BSN: variants seen among roughly 807,000 people sequenced by gnomAD.
BSN encodes bassoon presynaptic cytomatrix protein.
Under a neutral mutation model 264.8 loss-of-function variants are expected in BSN, and 57 were observed. That is an observed-to-expected ratio of 0.22 (90% confidence interval 0.17 to 0.27). BSN has a LOEUF of 0.27. Among genes scored for constraint, BSN ranks in the 10% least tolerant of loss-of-function variants. BSN has a pLI of 1.00. For missense variants in BSN, 4,615 were observed against 5,232.5 expected, an observed-to-expected ratio of 0.88 and a Z score of 3.64; for synonymous variants, 2,059 against 2,137.3, an observed-to-expected ratio of 0.96 and a Z score of 1.01.
chr3:49,616,395 C>A (rs2052259349), intron 1 of BSN, among the ~76,000 whole-genome samples: 1 of 152,196 alleles, frequency 6.6e-6, no homozygotes, highest in South Asian at 2.1e-4. Flanking sequence ...ACAGCATCTG[C>A]CCATCCCTAA....
intron 1 of BSN, among the ~76,000 whole-genome samples, chr3:49,620,498 C>T (rs1428295644): frequency 2.6e-5 from 4 of 151,204 alleles, no homozygotes; most frequent in Non-Finnish European, 5.9e-5. Context: ...GCCAAATGCA[C>T]ATGTCAGGAG....
intron 1 of BSN, among the ~76,000 whole-genome samples, chr3:49,565,005 A>C (rs930695127): frequency 6.6e-6 from 1 of 151,954 alleles, no homozygotes; most frequent in African/African-American, 2.4e-5. Context: ...TAAAAAAAAA[A>C]AAGAAGAAAA....
At chr3:49,605,359 T>A (rs1489515708) in intron 1 of BSN, among the ~76,000 whole-genome samples, 1 of 77,472 alleles carries the variant, frequency 1.3e-5, no homozygotes, top group Non-Finnish European at 2.3e-5. Context: ...AATATATATT[T>A]ATAAATATAT....
At chr3:49,613,303 C>CGAGAGCGAGA (rs2052223682) in intron 1 of BSN, among the ~76,000 whole-genome samples, 1 of 47,332 alleles carries the variant, frequency 2.1e-5, no homozygotes, top group African/African-American at 7.0e-5. Context: ...ACACACAGAG[C>CGAGAGCGAGA]GAGAGAGAGA....
Position 49,642,433 on chromosome 3 carries a change from C to A in BSN, c.799C>A (p.Arg267=). ...PLGKPDQERS[R]GPGGPQPGSR... The stretch of plus-strand genomic sequence containing the variant: ...GGGGAAGCCAGACCAAGAGAGATCT[C>A]GGGGCCCAGGAGGACCACAGCCTGG... Residue 267 remains arginine (R), a synonymous_variant, in exon 3 of 12, where the codon CGG becomes AGG. Transcript: ENST00000296452. The surrounding 1 kb of genome is among the most constrained non-coding windows in gnomAD (Gnocchi z 7.0). 2 of 1,598,978 alleles carry A rather than the reference C, an allele frequency of 1.3e-6. No homozygotes were observed.
Position 49,642,094 on chromosome 3 carries a change from G to T in BSN, c.634-174G>T, listed in dbSNP as rs1194622113. Among the ~76,000 whole-genome samples, 3 of 152,190 alleles carry T rather than the reference G, an allele frequency of 2.0e-5. No individual in the cohort carries two copies. Among genetic ancestry groups the T allele is most frequent in the Admixed American group, 2.0e-4 (3 of 15,282 alleles). On this transcript the variant is annotated intron_variant, in intron 2 of 11. Coordinates refer to ENST00000296452, the MANE Select transcript of BSN (RefSeq NM_003458.4). The surrounding 1 kb of genome is among the most constrained non-coding windows in gnomAD (Gnocchi z 7.0). ...GCCTGGCAACTCCTAGAGGGCAGGG[G>T]AGTGCCATCTGTCCTTCAGCCCTGC...
At chr3:49,573,524 C>T (rs11720458) in intron 1 of BSN, among the ~76,000 whole-genome samples, 73,019 of 152,012 alleles carry the variant, frequency 0.48, 19,587 homozygotes, top group East Asian at 0.93. Context: ...TGGGCTCCAA[C>T]AGGAGCTCAC....
chr3:49,642,800 A>G lies in BSN; in HGVS notation c.1166A>G (p.Asn389Ser). ...AAGGGGACACCTAAGATCGTCTTCAATGATGCCAGCAAGGAGGCTGGCCCA... is the reference window on the plus strand; with the variant it reads ...AAGGGGACACCTAAGATCGTCTTCAGTGATGCCAGCAAGGAGGCTGGCCCA... Reference protein sequence around the residue: ...PSKGTPKIVFNDASKEAGPKP... With the variant: ...PSKGTPKIVFSDASKEAGPKP... The change falls in exon 3 of 12, where the codon AAT becomes AGT. Residue 389 changes from asparagine to serine, a missense_variant. Physicochemically the swap from Asn to Ser is conservative, Grantham distance 46. Coordinates refer to ENST00000296452, the MANE Select transcript of BSN (RefSeq NM_003458.4). The surrounding 1 kb of genome is among the most constrained non-coding windows in gnomAD (Gnocchi z 7.0). The G allele has an allele frequency of 6.2e-7, 1 of 1,613,294 alleles. No individual in the cohort carries two copies. The highest frequency in any genetic ancestry group is 8.5e-7 in the Non-Finnish European group (1 of 1,179,862).
intron 1 of BSN, among the ~76,000 whole-genome samples, chr3:49,605,989 A>AAAATATATATTTATATATACATAG (rs1351003320): frequency 5.4e-5 from 5 of 93,122 alleles, no homozygotes; most frequent in Non-Finnish European, 9.2e-5. Flanking sequence ...ATATAAATAA[A>AAAATATATATTTATATATACATAG]AAATATATAT....
chr3:49,617,227 C>G (rs1383469304), intron 1 of BSN, among the ~76,000 whole-genome samples: 1 of 150,374 alleles, frequency 6.7e-6, no homozygotes, highest in African/African-American at 2.5e-5. Context: ...TGTAACAAAC[C>G]TGCACGTTCT....
At chr3:49,622,276 G>A (rs2052312548) in intron 1 of BSN, among the ~76,000 whole-genome samples, 1 of 152,106 alleles carries the variant, frequency 6.6e-6, no homozygotes, top group South Asian at 2.1e-4. Context: ...GAGGATATAA[G>A]GAAGCATCTA....
rs1319875501 is a variant in BSN, at chr3:49,662,540, T to C, written c.10695T>C (p.His3565=). Residue 3565 remains histidine (H), a synonymous_variant, in exon 6 of 12, where the codon CAT becomes CAC. Coordinates refer to ENST00000296452, the MANE Select transcript of BSN (RefSeq NM_003458.4). ...REEGYILDDS[H]CVVSDSEAYH... ...AGGGCTACATCCTGGATGATTCCCATTGCGTGGTTTCCGACAGCGAAGGTA... is the reference window on the plus strand; with the variant it reads ...AGGGCTACATCCTGGATGATTCCCACTGCGTGGTTTCCGACAGCGAAGGTA... The C allele has an allele frequency of 6.9e-6, 11 of 1,593,334 alleles. No individual in the cohort carries two copies. Among genetic ancestry groups the C allele is most frequent in the African/African-American group, 1.3e-5 (1 of 74,406 alleles).
At chr3:49,628,858 G>C (rs1317786141) in intron 2 of BSN, among the ~76,000 whole-genome samples, 1 of 152,086 alleles carries the variant, frequency 6.6e-6, no homozygotes, top group East Asian at 1.9e-4. Context: ...ATTTTGCTAA[G>C]GCTGAAGCTG....
Position 49,663,672 on chromosome 3 carries a change from C to G in BSN, c.11508+6C>G. The G allele has an allele frequency of 1.9e-6, 3 of 1,602,068 alleles. No individual in the cohort carries two copies. The highest frequency in any genetic ancestry group is 2.6e-6 in the Non-Finnish European group (3 of 1,172,904). Reference sequence around the variant, plus strand: ...GTCCTCAACCAGCAGGACCGGTAAGCAGAGCTCCCATGCATGGGTTGTAAC... The same window carrying G: ...GTCCTCAACCAGCAGGACCGGTAAGGAGAGCTCCCATGCATGGGTTGTAAC... On this transcript the variant is annotated splice_donor_region_variant and intron_variant, in intron 7 of 11. Coordinates refer to ENST00000296452, the MANE Select transcript of BSN (RefSeq NM_003458.4).
chr3:49,664,918 G>A, intron 10 of BSN, 65 bp downstream of exon 10: 1 of 1,283,494 alleles, frequency 7.8e-7, no homozygotes. Flanking sequence ...GGGTGGGGGT[G>A]GGGCTCTAAG....
chr3:49,625,783 A>T lies in BSN; in HGVS notation c.633+400A>T, dbSNP rs1360855503. Among the ~76,000 whole-genome samples, 1 of 152,246 alleles carries T rather than the reference A, an allele frequency of 6.6e-6. No homozygotes were observed. The highest frequency in any genetic ancestry group is 1.9e-4 in the East Asian group (1 of 5,194). ...GAGGCAAATTTCCCTGATCTAGGCC[A>T]GGAGGCCTCTGTCTTTGACAGCAGG... On this transcript the variant is annotated intron_variant, in intron 2 of 11. Coordinates refer to ENST00000296452, the MANE Select transcript of BSN (RefSeq NM_003458.4). This position sits in a 1 kb window ranked among gnomAD's most constrained non-coding sequence, Gnocchi z 4.4.
chr3:49,591,812 C>T (rs192617531), intron 1 of BSN, among the ~76,000 whole-genome samples: 7 of 152,236 alleles, frequency 4.6e-5, no homozygotes, highest in Non-Finnish European at 8.8e-5. Flanking sequence ...TGGTCTGGAA[C>T]TCCTGAGCTA....
chr3:49,563,626 G>C (rs1377257225), intron 1 of BSN, among the ~76,000 whole-genome samples: 1 of 152,224 alleles, frequency 6.6e-6, no homozygotes, highest in East Asian at 1.9e-4. Flanking sequence ...GCTCAGGCCA[G>C]ATCTCCTCCA....
chr3:49,565,148 T>C lies in BSN; in HGVS notation c.224+10322T>C, dbSNP rs185330495. ...TTTTTTGGACTAGAGGATTTTCTTT[T>C]TTTTTTTTTTTTTTTGAGACGGAGT... On this transcript the variant is annotated intron_variant, in intron 1 of 11. Transcript: ENST00000296452. Among the ~76,000 whole-genome samples, 124 of 138,058 alleles carry C rather than the reference T, an allele frequency of 9.0e-4. 2 individuals are homozygous for C. The East Asian group carries it at 0.021, about 23-fold the overall frequency. 90.6% of individuals were successfully genotyped at this position (138,058 alleles called of 152,430 possible). A position where few individuals can be genotyped will look rare whatever the true frequency, so the allele number is the denominator to read the frequency against.
Sources: gnomAD v4.1 joint callset for allele counts (sites outside exome capture counted in the v4.1 genomes callset) on GRCh38, gnomAD v4.1.1 for gene constraint, Gnocchi (gnomAD v3.1) non-coding constraint, MANE v1.5 for transcripts, NCBI Gene and HGNC (gene_info 2026-07-23, HGNC 2026-07-21) for gene names.